TOX2: variants seen among roughly 807,000 people sequenced by gnomAD.
The protein encoded by TOX2 is granulosa cell HMG box 1.
In TOX2, 15 loss-of-function variants were observed where a neutral mutation model predicts 47.4. That is an observed-to-expected ratio of 0.32 (90% CI 0.21 to 0.49). TOX2 has a LOEUF of 0.49. Among genes scored for constraint, TOX2 ranks in the 20% least tolerant of loss-of-function variants. The pLI, the probability that TOX2 is intolerant of heterozygous loss-of-function variation, is 0.99. For missense variants in TOX2, 622 were observed against 673.1 expected, an observed-to-expected ratio of 0.92 and a Z score of 0.84; for synonymous variants, 290 against 296.6, an observed-to-expected ratio of 0.98 and a Z score of 0.23.
intron 1 of TOX2, chr20:43,945,878 T>C (rs1335120618): frequency 5.0e-6 from 8 of 1,607,576 alleles, no homozygotes; most frequent in Non-Finnish European, 6.8e-6. Context: ...TAAAGCTTGC[T>C]ATTTCTGGCA....
intron 3 of TOX2, among the ~76,000 whole-genome samples, chr20:44,022,638 G>C (rs969827995): frequency 6.6e-6 from 1 of 152,210 alleles, no homozygotes; most frequent in Admixed American, 6.5e-5. Flanking sequence ...CACAGTCACT[G>C]TGAGCCTGTG....
In TOX2 at chr20:43,932,023, C is replaced by T. The variant is rs558969481; in HGVS notation, c.99+17033C>T. ...GAGTGGAAATGAAGAGAAGTAAGGG[C>T]GTGGGAGGTAACAGGAGGGAAGATG... On this transcript the variant is annotated intron_variant, in intron 1 of 8. Coordinates refer to ENST00000341197, the MANE Select transcript of TOX2 (RefSeq NM_001098797.2). 7.0e-4 allele frequency among the ~76,000 whole-genome samples: 106 copies of T among 152,048 alleles called. 1 individual carries two copies. Among genetic ancestry groups the T allele is most frequent in the African/African-American group, 2.5e-3 (103 of 41,450 alleles).
intron 3 of TOX2, among the ~76,000 whole-genome samples, chr20:44,012,618 C>G (rs2070796293): frequency 6.6e-6 from 1 of 152,184 alleles, no homozygotes; most frequent in African/African-American, 2.4e-5. Context: ...TCTTTGGGAT[C>G]TTGGACAAGT....
chr20:43,914,981 C>A lies in TOX2; in HGVS notation c.90C>A (p.His30Gln), dbSNP rs1216838499. 4 of 1,248,370 alleles carry A rather than the reference C, an allele frequency of 3.2e-6. No individual in the cohort carries two copies. Among genetic ancestry groups the A allele is most frequent in the Non-Finnish European group, 4.0e-6 (4 of 996,328 alleles). The allele number at this position is 1,248,370 out of a possible 1,614,324, so 77.3% of individuals were successfully genotyped here. Residue 30 changes from histidine (H) to glutamine (Q), a missense_variant, in exon 1 of 9, where the codon CAC (histidine) becomes CAA (glutamine). His to Gln is a conservative substitution (Grantham distance 24). Around this residue, in one of 3 missense-constraint regions of TOX2, gnomAD observed 307 missense variants for 327.3 expected, o/e 0.94. Coordinates refer to ENST00000341197, the MANE Select transcript of TOX2 (RefSeq NM_001098797.2). The surrounding 1 kb of genome is among the most constrained non-coding windows in gnomAD (Gnocchi z 4.5). ...GCCTGGCGCACCTGGACTATTACCA[C>A]GGCGGCAAGGTAGGCGGGGGCGGGC... Reference protein sequence around the residue: ...PAGLAHLDYYHGGKFDGDSAY... With the variant: ...PAGLAHLDYYQGGKFDGDSAY...
chr20:44,053,635 TACAC>T (rs1392429548), intron 4 of TOX2, among the ~76,000 whole-genome samples: 10 of 149,858 alleles, frequency 6.7e-5, no homozygotes, highest in Admixed American at 6.6e-5. Context: ...CACACGTATA[TACAC>T]ATATACACAC....
At chr20:43,918,465 A>AAGG (rs1410975244) in intron 1 of TOX2, among the ~76,000 whole-genome samples, 3 of 152,320 alleles carry the variant, frequency 2.0e-5, no homozygotes, top group Admixed American at 2.0e-4. Context: ...ATCCCTTTAT[A>AAGG]GACAGCACGC....
In TOX2 at chr20:43,916,428, T is replaced by A. The variant is rs949133829; in HGVS notation, c.99+1438T>A. Reference sequence around the variant, plus strand: ...TGCAGTTCGCCAGGGGCAGCAAGCATCCAGGCCACTAGGGCCTGCGCGATG... The same window carrying A: ...TGCAGTTCGCCAGGGGCAGCAAGCAACCAGGCCACTAGGGCCTGCGCGATG... On this transcript the variant is annotated intron_variant, in intron 1 of 8. Transcript: ENST00000341197. This position sits in a 1 kb window ranked among gnomAD's most constrained non-coding sequence, Gnocchi z 5.0. Among the ~76,000 whole-genome samples the A allele has an allele frequency of 6.6e-6, 1 of 152,170 alleles. No individual in the cohort carries two copies. Among genetic ancestry groups the A allele is most frequent in the Non-Finnish European group, 1.5e-5 (1 of 68,012 alleles).
intron 1 of TOX2, among the ~76,000 whole-genome samples, chr20:43,934,034 G>T (rs1405758204): frequency 6.6e-6 from 1 of 151,816 alleles, no homozygotes; most frequent in Non-Finnish European, 1.5e-5. Flanking sequence ...TGGTTTGGTT[G>T]GTCCTTTGTT....
At chr20:44,007,588 A>AT in intron 3 of TOX2, 1 of 152,500 alleles carries the variant, frequency 6.6e-6, no homozygotes, top group Admixed American at 6.5e-5. Flanking sequence ...GCTCACGCCT[A>AT]TAACCCCAGC....
rs577293321 is a variant in TOX2 at position 44,001,847 on chromosome 20, G to A, written c.166-4700G>A. ...AGCCTGGGACATTCCCCCATTTCCC[G>A]TGCCCATTTATTGTGTTGTAATGAG... is the stretch of plus-strand genomic sequence containing the variant. On this transcript the variant is annotated intron_variant, in intron 2 of 8. Transcript: ENST00000341197. 4.7e-4 allele frequency among the ~76,000 whole-genome samples: 71 copies of A among 152,282 alleles called. 2 individuals are homozygous for A. In the South Asian group the frequency reaches 8.1e-3, roughly 17 times the overall value.
intron 2 of TOX2, among the ~76,000 whole-genome samples, chr20:44,000,938 C>A (rs1228322495): frequency 1.3e-5 from 2 of 151,956 alleles, no homozygotes; most frequent in African/African-American, 4.8e-5. Context: ...TGAGCATTGG[C>A]CACTGGATTT....
At chr20:43,947,273 A>G (rs1255435104) in intron 1 of TOX2, among the ~76,000 whole-genome samples, 1 of 152,262 alleles carries the variant, frequency 6.6e-6, no homozygotes, top group East Asian at 1.9e-4. Context: ...AAATGGGGAC[A>G]CTGATGCCTA....
chr20:44,037,388 T>G lies in TOX2; in HGVS notation c.412-13918T>G, dbSNP rs1569121306. ...CTGACTCTGTACAAAGTTAGCTTTT[T>G]GTTTGATCCTCACAGCTGCCCCATG... On this transcript the variant is annotated intron_variant, in intron 3 of 8. Coordinates refer to ENST00000341197, the MANE Select transcript of TOX2 (RefSeq NM_001098797.2). Among the ~76,000 whole-genome samples the G allele has an allele frequency of 2.6e-5, 4 of 152,378 alleles. No homozygotes were observed. The South Asian group carries it at 8.3e-4, about 32-fold the overall frequency.
chr20:43,917,913 G>C (rs1257988256), intron 1 of TOX2, among the ~76,000 whole-genome samples: 1 of 152,158 alleles, frequency 6.6e-6, no homozygotes, highest in Non-Finnish European at 1.5e-5. Context: ...TGGCTCCCAG[G>C]ATCTGTGGCT....
Position 44,006,689 on chromosome 20 carries a change from G to T in TOX2, c.308G>T (p.Gly103Val). Reference sequence around the variant, plus strand: ...CTGTGCCACGGCCTCACCCCCAACGGTCTGCTCCCTGCCTACTCCTATCAG... The same window carrying T: ...CTGTGCCACGGCCTCACCCCCAACGTTCTGCTCCCTGCCTACTCCTATCAG... ...HSLCHGLTPNGLLPAYSYQAM... is the reference protein window; with the variant it reads ...HSLCHGLTPNVLLPAYSYQAM... The change falls in exon 3 of 9, where the codon GGT becomes GTT. Residue 103 changes from glycine (G) to valine (V), a missense_variant. By Grantham distance (109) the Gly-to-Val change is moderately radical. This residue lies in a region of TOX2 where 307 missense variants were observed against 327.3 expected (regional missense o/e 0.94). Coordinates refer to ENST00000341197, the MANE Select transcript of TOX2 (RefSeq NM_001098797.2). 1 of 1,614,056 alleles carries T rather than the reference G, an allele frequency of 6.2e-7. No individual in the cohort carries two copies. Among genetic ancestry groups the T allele is most frequent in the Middle Eastern group, 1.6e-4 (1 of 6,062 alleles).
chr20:44,060,077 T>C (rs972182798), intron 5 of TOX2, among the ~76,000 whole-genome samples: 4 of 152,126 alleles, frequency 2.6e-5, no homozygotes, highest in Non-Finnish European at 5.9e-5. Context: ...TCCATGCAAA[T>C]GGATACCAAA....
intron 2 of TOX2, among the ~76,000 whole-genome samples, chr20:43,989,943 A>C (rs2145542744): frequency 6.6e-6 from 1 of 152,218 alleles, no homozygotes; most frequent in Non-Finnish European, 1.5e-5. Context: ...GGCTTGACTG[A>C]AGGGGGATTT....
At chr20:44,046,028 T>C (rs1296855042) in intron 3 of TOX2, among the ~76,000 whole-genome samples, 2 of 152,236 alleles carry the variant, frequency 1.3e-5, no homozygotes, top group Non-Finnish European at 2.9e-5. Flanking sequence ...CAGTTCACTT[T>C]AAATCTGTCT....
intron 1 of TOX2, among the ~76,000 whole-genome samples, chr20:43,929,784 A>G (rs1270307680): frequency 6.6e-6 from 1 of 152,074 alleles, no homozygotes; most frequent in East Asian, 1.9e-4. Context: ...ATCTCAGCTC[A>G]CTGCAACCTT....
Sources: allele counts gnomAD v4.1 joint callset (sites outside exome capture counted in the v4.1 genomes callset), GRCh38; gene constraint gnomAD v4.1.1; regional missense constraint gnomAD v4.1.1; non-coding constraint Gnocchi (gnomAD v3.1); transcripts MANE v1.5; gene names NCBI Gene and HGNC (gene_info 2026-07-23, HGNC 2026-07-21).